Variants in TPST2 observed in about 807,000 individuals in gnomAD.
The protein encoded by TPST2 is protein-tyrosine sulfotransferase 2.
Under a neutral mutation model 27.8 loss-of-function variants are expected in TPST2, and 16 were observed. That is an observed-to-expected ratio of 0.58 (90% CI 0.39 to 0.88). The LOEUF (loss-of-function observed/expected upper bound fraction) is 0.88. TPST2 is among the 40% of genes least tolerant of loss of function. The pLI, the probability that TPST2 is intolerant of heterozygous loss-of-function variation, is 0.00. For missense variants in TPST2, 464 were observed against 543.1 expected (o/e 0.85, Z 1.45); for synonymous variants, 229 against 231.7 (o/e 0.99, Z 0.10).
intron 1 of TPST2, among the ~76,000 whole-genome samples, chr22:26,566,291 G>A (rs1035292007): frequency 2.0e-5 from 3 of 152,122 alleles, no homozygotes; most frequent in South Asian, 2.1e-4. Flanking sequence ...GGTGGCTCAC[G>A]CCTGTAATCC....
intron 3 of TPST2, among the ~76,000 whole-genome samples, chr22:26,540,468 G>A (rs556650015): frequency 5.3e-5 from 8 of 152,202 alleles, no homozygotes; most frequent in East Asian, 3.9e-4. Context: ...GCTTGGTGGC[G>A]CATGCCTATA....
In TPST2 at chr22:26,541,443, C is replaced by T. The variant is rs756408961; in HGVS notation, c.188G>A (p.Arg63His). The part of the protein sequence containing the change: ...VMVGTNHVEY[R>H]YGKAMPLIFV... ...GATGAGCGGCATGGCCTTGCCATAGCGGTATTCCACGTGGTTGGTGCCCAC... is the reference window on the plus strand; with the variant it reads ...GATGAGCGGCATGGCCTTGCCATAGTGGTATTCCACGTGGTTGGTGCCCAC... Residue 63 changes from arginine (R) to histidine (H), a missense_variant, in exon 3 of 7, where the codon CGC (arginine) becomes CAC (histidine). Coordinates refer to ENST00000338754, the MANE Select transcript of TPST2 (RefSeq NM_003595.5). This position sits in a 1 kb window ranked among gnomAD's most constrained non-coding sequence, Gnocchi z 5.9. 7.5e-6 allele frequency: 12 copies of T among 1,601,166 alleles called. No individual in the cohort carries two copies. Among genetic ancestry groups the T allele is most frequent in the Admixed American group, 5.2e-5 (3 of 58,170 alleles).
At chr22:26,556,365 C>A (rs1329583170) in intron 1 of TPST2, among the ~76,000 whole-genome samples, 1 of 152,040 alleles carries the variant, frequency 6.6e-6, no homozygotes, top group Non-Finnish European at 1.5e-5. Context: ...ATGGTGAAAC[C>A]CCGTCTCTAC....
chr22:26,540,585 A>C lies in TPST2; in HGVS notation c.842+204T>G, dbSNP rs113299457. 2.0e-3 allele frequency among the ~76,000 whole-genome samples: 308 copies of C among 152,318 alleles called. 1 individual carries two copies. The highest frequency in any genetic ancestry group is 6.9e-3 in the African/African-American group (286 of 41,570). Reference sequence around the variant, plus strand: ...CGAGACACTGCCTCAAAAAACAAACAAACAGCCCACGAAGTTTGCAGATTC... The same window carrying C: ...CGAGACACTGCCTCAAAAAACAAACCAACAGCCCACGAAGTTTGCAGATTC... On this transcript the variant is annotated intron_variant, in intron 3 of 6. Coordinates refer to ENST00000338754, the MANE Select transcript of TPST2 (RefSeq NM_003595.5).
intron 1 of TPST2, among the ~76,000 whole-genome samples, chr22:26,578,763 T>C (rs1225074560): frequency 6.6e-6 from 1 of 152,112 alleles, no homozygotes; most frequent in Non-Finnish European, 1.5e-5. Context: ...TTCCAAGCTA[T>C]TTGCATGATC....
intron 1 of TPST2, chr22:26,561,003 G>C (rs1389272677): frequency 2.5e-6 from 4 of 1,606,958 alleles, no homozygotes; most frequent in Middle Eastern, 2.1e-4. Context: ...AAAGGATATT[G>C]CTGCATATCG....
At chr22:26,565,060 C>T (rs1927316493) in intron 1 of TPST2, among the ~76,000 whole-genome samples, 1 of 152,164 alleles carries the variant, frequency 6.6e-6, no homozygotes, top group African/African-American at 2.4e-5. Context: ...CCAGGAAGAC[C>T]TGTCACCTGT....
rs540340982 is a variant in TPST2 at position 26,579,125 on chromosome 22, G to C, written c.-161+10928C>G. On this transcript the variant is annotated intron_variant, in intron 1 of 6. Coordinates refer to ENST00000338754, the MANE Select transcript of TPST2 (RefSeq NM_003595.5). ...CCCGCATTGGCCTCCCAGAGTGCTG[G>C]GATTATGGGTGTGAGCCACTGTGCC... Among the ~76,000 whole-genome samples, 3 of 152,278 alleles carry C rather than the reference G, an allele frequency of 2.0e-5. No homozygotes were observed. The East Asian group carries it at 5.8e-4, about 29-fold the overall frequency.
chr22:26,559,599 CT>C (rs1454662316), intron 1 of TPST2, among the ~76,000 whole-genome samples: 2 of 152,234 alleles, frequency 1.3e-5, no homozygotes, highest in African/African-American at 4.8e-5. Flanking sequence ...TACTTTCCGT[CT>C]CTATGAGTTC....
intron 1 of TPST2, among the ~76,000 whole-genome samples, chr22:26,559,259 AAGAGGCTG>A (rs2147216144): frequency 6.6e-6 from 1 of 152,342 alleles, no homozygotes; most frequent in African/African-American, 2.4e-5. Flanking sequence ...CCAGCTGCTC[AAGAGGCTG>A]AGGCAGGAGA....
chr22:26,541,620 G>T lies in TPST2; in HGVS notation c.11C>A (p.Ser4Ter), dbSNP rs772275735. 1 of 1,578,676 alleles carries T rather than the reference G, an allele frequency of 6.3e-7. No individual in the cohort carries two copies. Among genetic ancestry groups the T allele is most frequent in the East Asian group, 2.3e-5 (1 of 43,384 alleles). MRL[S>*]VRRVLLAAGC... ...GGCTGCCAGCAGCACCCTCCGCACC[G>T]ACAGGCGCATGCTGGGCCGGAGGCA... Residue 4 changes from serine to a stop codon, truncating the protein, a stop_gained, in exon 3 of 7, where the codon TCG becomes TAG. Transcript: ENST00000338754. LOFTEE classifies it high-confidence loss of function. The surrounding 1 kb of genome is among the most constrained non-coding windows in gnomAD (Gnocchi z 5.9).
chr22:26,559,089 C>T (rs1214906382), intron 1 of TPST2, among the ~76,000 whole-genome samples: 5 of 152,342 alleles, frequency 3.3e-5, no homozygotes, highest in Admixed American at 6.5e-5. Flanking sequence ...TTCATGGGCC[C>T]GGCGCGGTGG....
intron 1 of TPST2, among the ~76,000 whole-genome samples, chr22:26,564,249 C>T (rs1927271145): frequency 1.3e-5 from 2 of 152,224 alleles, no homozygotes; most frequent in Non-Finnish European, 2.9e-5. Context: ...TGATCAACCA[C>T]TCTCACTCTC....
At chr22:26,546,134 A>G (rs1926111482) in intron 1 of TPST2, among the ~76,000 whole-genome samples, 2 of 152,060 alleles carry the variant, frequency 1.3e-5, no homozygotes, top group South Asian at 2.1e-4. Flanking sequence ...CATGATGGCA[A>G]TAAACCGGCT....
rs752262411 is a variant in TPST2, at chr22:26,541,591, A to C, written c.40T>G (p.Cys14Gly). The change falls in exon 3 of 7, where the codon TGC becomes GGC. Residue 14 changes from cysteine to glycine, a missense_variant. Cys to Gly is a radical substitution (Grantham distance 159). Coordinates refer to ENST00000338754, the MANE Select transcript of TPST2 (RefSeq NM_003595.5). The surrounding 1 kb of genome is among the most constrained non-coding windows in gnomAD (Gnocchi z 5.9). ...ACCGCCAGCACCAGGACCAGGGCGC[A>C]GCCGGCTGCCAGCAGCACCCTCCGC... ...SVRRVLLAAG[C>G]ALVLVLAVQL... 6 of 1,600,424 alleles carry C rather than the reference A, an allele frequency of 3.7e-6. No individual in the cohort carries two copies. The highest frequency in any genetic ancestry group is 3.3e-5 in the South Asian group (3 of 90,048).
intron 1 of TPST2, among the ~76,000 whole-genome samples, chr22:26,584,929 G>T (rs1455381152): frequency 1.3e-5 from 2 of 152,118 alleles, no homozygotes; most frequent in African/African-American, 4.8e-5. Context: ...AGGAACTAAG[G>T]TTCACAAACG....
At chr22:26,564,457 A>C (rs1464459648) in intron 1 of TPST2, among the ~76,000 whole-genome samples, 1 of 152,196 alleles carries the variant, frequency 6.6e-6, no homozygotes, top group Non-Finnish European at 1.5e-5. Context: ...CCCCGTCATG[A>C]ATAACAGGTA....
At chr22:26,550,076 G>A (rs1164057211) in intron 1 of TPST2, among the ~76,000 whole-genome samples, 1 of 150,878 alleles carries the variant, frequency 6.6e-6, no homozygotes, top group Non-Finnish European at 1.5e-5. Context: ...GGCAGCAGGA[G>A]ACCATGGGAG....
chr22:26,549,412 A>G (rs1336312206), intron 1 of TPST2, among the ~76,000 whole-genome samples: 1 of 152,180 alleles, frequency 6.6e-6, no homozygotes, highest in East Asian at 1.9e-4. Flanking sequence ...TAATCCCGGC[A>G]CTTTGTGAGG....
Sources: allele counts gnomAD v4.1 joint callset (sites outside exome capture counted in the v4.1 genomes callset), GRCh38; gene constraint gnomAD v4.1.1; non-coding constraint Gnocchi (gnomAD v3.1); transcripts MANE v1.5; gene names NCBI Gene and HGNC (gene_info 2026-07-23, HGNC 2026-07-21).